The following CHRNA1 variants were observed in gnomAD, a reference collection of about 807,000 sequenced individuals.
CHRNA1 encodes the protein cholinergic receptor nicotinic alpha 1 subunit.
A neutral mutation model predicts 47.1 loss-of-function variants in CHRNA1; 35 were observed. That is an observed-to-expected ratio of 0.74 (90% CI 0.57 to 0.99). The LOEUF (loss-of-function observed/expected upper bound fraction) is 0.99. Among genes scored for constraint, CHRNA1 ranks in the 50% least tolerant of loss-of-function variants. CHRNA1 has a pLI of 0.00. For missense variants in CHRNA1, 506 were observed against 591.1 expected (o/e 0.86, Z 1.49); for synonymous variants, 229 against 223.6 (o/e 1.02, Z -0.22).
intron 4 of CHRNA1, among the ~76,000 whole-genome samples, chr2:174,757,237 G>C (rs1331633532): frequency 2.0e-5 from 3 of 152,148 alleles, no homozygotes; most frequent in Non-Finnish European, 4.4e-5. Flanking sequence ...GATTCAATTT[G>C]GCCGCAGTAA....
chr2:174,753,084 T>C, intron 6 of CHRNA1: 1 of 345,696 alleles, frequency 2.9e-6, no homozygotes, highest in East Asian at 5.3e-5. Flanking sequence ...TTTCAAGTGG[T>C]GAGCAGTGGG....
At chr2:174,748,843 C>T (rs771780345) in intron 7 of CHRNA1, 24 bp from the exon 8 acceptor site, 21 of 1,612,284 alleles carry the variant, frequency 1.3e-5, no homozygotes, top group Non-Finnish European at 1.7e-5. Flanking sequence ...GAAATCCATG[C>T]ATGAGAATTA....
Position 174,759,511 on chromosome 2 carries a change from G to T in CHRNA1, c.166C>A (p.Gln56Lys). The T allele has an allele frequency of 6.2e-7, 1 of 1,614,168 alleles. No individual in the cohort carries two copies. The highest frequency in any genetic ancestry group is 8.5e-7 in the Non-Finnish European group (1 of 1,180,012). ...RQVVEVTVGL[Q>K]LIQLINVDEV... is the part of the protein sequence containing the mutation. ...ACCACATTGATGAGCTGTATCAGCT[G>T]CAGGCCCACGGTGACCTCCACGACC... The change falls in exon 2 of 9, where the codon CAG becomes AAG. Residue 56 changes from glutamine to lysine, a missense_variant. Gln to Lys is a moderately conservative substitution (Grantham distance 53). Transcript: ENST00000348749.
rs141733086 is a variant in CHRNA1, at chr2:174,750,000, G to T, written c.948C>A (p.Ile316=). Residue 316 remains isoleucine (I), a synonymous_variant, in exon 7 of 9, where the codon ATC becomes ATA. Coordinates refer to ENST00000348749, the MANE Select transcript of CHRNA1 (RefSeq NM_000079.4). ...IASIIITVIV[I]NTHHRSPSTH... ...TGCTGGGTGAGCGGTGGTGTGTGTTGATGACGATGACAGTGATGATGATGG... is the reference window on the plus strand; with the variant it reads ...TGCTGGGTGAGCGGTGGTGTGTGTTTATGACGATGACAGTGATGATGATGG... 246 of 1,614,138 alleles carry T rather than the reference G, an allele frequency of 1.5e-4. No individual in the cohort carries two copies. The highest frequency in any genetic ancestry group is 9.9e-4 in the Middle Eastern group (6 of 6,062).
At chr2:174,753,798 G>A (rs536100970) in intron 5 of CHRNA1, 58 bp from the exon 6 acceptor site, 91 of 1,527,360 alleles carry the variant, frequency 6.0e-5, no homozygotes, top group Non-Finnish European at 7.0e-5. Context: ...GAGGGGCAGC[G>A]TTTTGTAATC....
Position 174,764,293 on chromosome 2 carries a change from C to A in CHRNA1, c.43+59G>T, listed in dbSNP as rs7560774. On this transcript the variant is annotated intron_variant, in intron 1 of 8. Transcript: ENST00000348749. ...AAGAAGCAAGACTTTGATTTGGGGG[C>A]CTCCAGCACTTTAGCCTCAAAGGAG... 0.44 allele frequency: 689,042 copies of A among 1,553,240 alleles called. 161,283 individuals are homozygous for A. Among genetic ancestry groups the A allele is most frequent in the Non-Finnish European group, 0.48 (549,814 of 1,135,086 alleles).
At chr2:174,763,206 C>A (rs981404193) in intron 1 of CHRNA1, among the ~76,000 whole-genome samples, 25 of 152,176 alleles carry the variant, frequency 1.6e-4, no homozygotes, top group Admixed American at 1.0e-3. Context: ...GCTAATCATG[C>A]ATTTTTGGTT....
At chr2:174,762,299 G>A (rs1368383954) in intron 1 of CHRNA1, among the ~76,000 whole-genome samples, 2 of 152,198 alleles carry the variant, frequency 1.3e-5, no homozygotes, top group Non-Finnish European at 2.9e-5. Flanking sequence ...ATATGGCCTG[G>A]AGAGTTGGAT....
Position 174,759,582 on chromosome 2 carries a change from A to G in CHRNA1, c.95T>C (p.Phe32Ser). Residue 32 changes from phenylalanine to serine, a missense_variant, in exon 2 of 9, where the codon TTT (phenylalanine) becomes TCT (serine). Coordinates refer to ENST00000348749, the MANE Select transcript of CHRNA1 (RefSeq NM_000079.4). ...CCGCACCACGCTGCTGTAGTCTTTA[A>G]ATAGCTTTGCCACCAGACGGGTCTC... Reference protein sequence around the residue: ...EHETRLVAKLFKDYSSVVRPV... With the variant: ...EHETRLVAKLSKDYSSVVRPV... The G allele has an allele frequency of 1.2e-6, 2 of 1,613,994 alleles. No individual in the cohort carries two copies. The highest frequency in any genetic ancestry group is 1.7e-6 in the Non-Finnish European group (2 of 1,179,980).
chr2:174,753,796 G>A (rs903884340), intron 5 of CHRNA1, 56 bp from the exon 6 acceptor site: 1 of 1,540,512 alleles, frequency 6.5e-7, no homozygotes. Flanking sequence ...ATGAGGGGCA[G>A]CGTTTTGTAA....
chr2:174,748,281 G>C (rs1683774791), intron 8 of CHRNA1, 26 bp from the exon 9 acceptor site: 1 of 1,613,570 alleles, frequency 6.2e-7, no homozygotes, highest in African/African-American at 1.3e-5. Flanking sequence ...ATGTTAGACA[G>C]AGTCTCCCTA....
Position 174,750,190 on chromosome 2 carries a change from A to G in CHRNA1, c.779-21T>C, listed in dbSNP as rs1381979608. 4.4e-6 allele frequency: 7 copies of G among 1,600,808 alleles called. No individual in the cohort carries two copies. In the East Asian group the frequency reaches 1.6e-4, roughly 36 times the overall value. ...CTCCCCTGAAAAGACCAAAAAAAAA[A>G]AAAAAAATCCCACAACTACCCATCT... On this transcript the variant is annotated intron_variant, in intron 6 of 8. Transcript: ENST00000348749.
chr2:174,758,594 CA>C (rs1357368134), intron 3 of CHRNA1, among the ~76,000 whole-genome samples: 2 of 151,746 alleles, frequency 1.3e-5, no homozygotes, highest in African/African-American at 4.8e-5. Context: ...GCAAATATTT[CA>C]AAATAAAAAC....
At chr2:174,763,328 GCGCACA>G (rs1320848541) in intron 1 of CHRNA1, among the ~76,000 whole-genome samples, 168 of 121,326 alleles carry the variant, frequency 1.4e-3, no homozygotes, top group East Asian at 8.5e-3. Context: ...GTGCACGCGC[GCGCACA>G]CACACACACA....
intron 8 of CHRNA1, 68 bp downstream of exon 8, chr2:174,748,512 T>C: frequency 6.4e-7 from 1 of 1,572,200 alleles, no homozygotes; most frequent in South Asian, 1.2e-5. Context: ...TAAGTCAGAC[T>C]CACCACCTGT....
chr2:174,748,339 C>A, intron 8 of CHRNA1, 84 bp from the exon 9 acceptor site: 1 of 1,573,602 alleles, frequency 6.4e-7, no homozygotes, highest in Non-Finnish European at 8.7e-7. Context: ...CAACTATGGG[C>A]CCTTCAATTT....
rs1402893217 is a variant in CHRNA1 at position 174,747,775 on chromosome 2, C to A, written c.*349G>T. ...ACTCCCTAGTGGTCTCGTGGTTAGACAAAATAAGTAAATATATAAATATAA... is the reference window on the plus strand; with the variant it reads ...ACTCCCTAGTGGTCTCGTGGTTAGAAAAAATAAGTAAATATATAAATATAA... On this transcript the variant is annotated 3_prime_UTR_variant, in exon 9 of 9. Transcript: ENST00000348749. The A allele has an allele frequency of 2.8e-5, 9 of 316,472 alleles. No homozygotes were observed. The highest frequency in any genetic ancestry group is 2.2e-4 in the Admixed American group (5 of 22,706). 19.6% of individuals were successfully genotyped at this position (316,472 alleles called of 1,614,324 possible).
intron 1 of CHRNA1, among the ~76,000 whole-genome samples, chr2:174,762,222 C>T (rs368879077): frequency 1.1e-4 from 17 of 152,244 alleles, no homozygotes; most frequent in African/African-American, 3.1e-4. Flanking sequence ...CTCCCCAGCA[C>T]AGGGTAGAGT....
intron 1 of CHRNA1, among the ~76,000 whole-genome samples, chr2:174,761,996 G>A (rs899040631): frequency 3.3e-5 from 5 of 152,218 alleles, no homozygotes; most frequent in African/African-American, 1.2e-4. Flanking sequence ...CAGATGGTCA[G>A]CATTATGTAG....
Sources: allele counts gnomAD v4.1 joint callset (sites outside exome capture counted in the v4.1 genomes callset), GRCh38; gene constraint gnomAD v4.1.1; transcripts MANE v1.5; gene names NCBI Gene and HGNC (gene_info 2026-07-23, HGNC 2026-07-21).